The following CUX2 variants were observed in gnomAD, a reference collection of about 807,000 sequenced individuals.
The protein encoded by CUX2 is cut like homeobox 2, also known as homeobox protein cut-like 2.
In CUX2, 40 loss-of-function variants were observed where a neutral mutation model predicts 144.8. The observed-to-expected ratio is 0.28, with a 90% CI of 0.21 to 0.36. CUX2 has a LOEUF of 0.36. CUX2 is among the 10% of genes least tolerant of loss of function. CUX2 has a pLI of 1.00. For missense variants in CUX2, 1,615 were observed against 1,994.0 expected (o/e 0.81, Z 3.62); for synonymous variants, 827 against 875.6 (o/e 0.94, Z 0.98).
intron 1 of CUX2, among the ~76,000 whole-genome samples, chr12:111,060,983 G>A (rs1322693727): frequency 6.6e-6 from 1 of 152,216 alleles, no homozygotes. Context: ...GAGGCCTTCA[G>A]AAAGGAAGCA....
chr12:111,215,265 G>A (rs944237319), intron 2 of CUX2, among the ~76,000 whole-genome samples: 1 of 152,138 alleles, frequency 6.6e-6, no homozygotes, highest in Non-Finnish European at 1.5e-5. Context: ...AGATTGGTGG[G>A]GGGTCCTGTT....
chr12:111,045,971 C>T (rs1397418857), intron 1 of CUX2, among the ~76,000 whole-genome samples: 1 of 152,222 alleles, frequency 6.6e-6, no homozygotes, highest in Non-Finnish European at 1.5e-5. Flanking sequence ...CCTCACTGCT[C>T]AGCTCAGTGG....
At chr12:111,105,958 G>A (rs1245940795) in intron 1 of CUX2, among the ~76,000 whole-genome samples, 2 of 150,300 alleles carry the variant, frequency 1.3e-5, no homozygotes, top group East Asian at 3.9e-4. Flanking sequence ...TTGACCTCCT[G>A]GGCTCAAGTG....
rs1038823583 is a variant in CUX2, at chr12:111,037,230, G to A, written c.63+2990G>A. Among the ~76,000 whole-genome samples the A allele has an allele frequency of 3.9e-5, 6 of 152,166 alleles. No homozygotes were observed. The highest frequency in any genetic ancestry group is 1.2e-4 in the African/African-American group (5 of 41,454). The stretch of plus-strand genomic sequence containing the variant: ...CGTGGCTTTCATTCCTGGCTGTTCA[G>A]GTTGAATGGTTTCTCGCAGCGTGGT... On this transcript the variant is annotated intron_variant, in intron 1 of 21. Transcript: ENST00000261726. The surrounding 1 kb of genome is among the most constrained non-coding windows in gnomAD (Gnocchi z 5.4).
At chr12:111,271,249 A>G (rs73197987) in intron 4 of CUX2, among the ~76,000 whole-genome samples, 5 of 152,188 alleles carry the variant, frequency 3.3e-5, no homozygotes, top group Non-Finnish European at 5.9e-5. Context: ...TAAAAGTAGC[A>G]TATGCATGCT....
At chr12:111,175,786 C>T (rs11065825) in intron 1 of CUX2, among the ~76,000 whole-genome samples, 1,910 of 151,756 alleles carry the variant, frequency 0.013, 52 homozygotes, top group African/African-American at 0.044. Context: ...TCTTTTTCAC[C>T]GCCGGTTGCA....
At position 111,059,803 on chromosome 12, in the gene CUX2, G is replaced by A. The variant is rs1363689752; in HGVS notation, c.63+25563G>A. ...CTGGGATGCCGAGGGTGGGGGCAGT[G>A]AGGGAGGTGTTGGGGAGAGCATGGG... is the stretch of plus-strand genomic sequence containing the variant. On this transcript the variant is annotated intron_variant, in intron 1 of 21. Coordinates refer to ENST00000261726, the MANE Select transcript of CUX2 (RefSeq NM_015267.4). The surrounding 1 kb of genome is among the most constrained non-coding windows in gnomAD (Gnocchi z 5.3). Among the ~76,000 whole-genome samples the A allele has an allele frequency of 2.0e-5, 3 of 152,254 alleles. No individual in the cohort carries two copies. The East Asian group carries it at 5.8e-4, about 29-fold the overall frequency.
At position 111,214,189 on chromosome 12, in the gene CUX2, T is replaced by TA. The variant is rs1555204353; in HGVS notation, c.64-10dup. On this transcript the variant is annotated splice_polypyrimidine_tract_variant and intron_variant, in intron 1 of 21. Coordinates refer to ENST00000261726, the MANE Select transcript of CUX2 (RefSeq NM_015267.4). ...TCTCTCTCTCTTTTTTTTTTTTTTT[T>TA]ATTGTTCCAGAAGGAGCTTAATTCC... 0.015 allele frequency: 20,411 copies of TA among 1,396,494 alleles called. 86 individuals are homozygous for TA. The highest frequency in any genetic ancestry group is 0.017 in the Non-Finnish European group (17,375 of 1,035,248). The allele number at this position is 1,396,494 out of a possible 1,614,324, so 86.5% of individuals were successfully genotyped here.
intron 16 of CUX2, among the ~76,000 whole-genome samples, chr12:111,315,546 C>T (rs1258628498): frequency 1.3e-5 from 2 of 152,110 alleles, no homozygotes; most frequent in Admixed American, 6.6e-5. Flanking sequence ...TGGCAAAACC[C>T]CATCTCTACT....
intron 1 of CUX2, among the ~76,000 whole-genome samples, chr12:111,098,304 G>A (rs1378959795): frequency 1.3e-5 from 2 of 152,052 alleles, no homozygotes; most frequent in Non-Finnish European, 2.9e-5. Context: ...GGAGGCTGAG[G>A]CAGGAGAATC....
At chr12:111,269,579 G>A (rs1291638673) in intron 4 of CUX2, among the ~76,000 whole-genome samples, 1 of 152,162 alleles carries the variant, frequency 6.6e-6, no homozygotes, top group Non-Finnish European at 1.5e-5. Context: ...ACACCAGCAT[G>A]TCTAGTGCTT....
At chr12:111,216,768 C>T (rs1349204229) in intron 2 of CUX2, among the ~76,000 whole-genome samples, 2 of 147,026 alleles carry the variant, frequency 1.4e-5, no homozygotes, top group African/African-American at 5.0e-5. Flanking sequence ...CCTGAAGGTC[C>T]CCAACATACA....
chr12:111,066,585 A>G (rs1181117948), intron 1 of CUX2, among the ~76,000 whole-genome samples: 5 of 152,088 alleles, frequency 3.3e-5, no homozygotes, highest in Non-Finnish European at 5.9e-5. Context: ...TTAAGCACCC[A>G]TTGGGTGAGG....
intron 1 of CUX2, among the ~76,000 whole-genome samples, chr12:111,142,750 C>T (rs575844013): frequency 1.4e-4 from 21 of 152,200 alleles, no homozygotes; most frequent in Non-Finnish European, 2.4e-4. Context: ...TGGGATGAAT[C>T]GAGGAACCCT....
rs1345266126 is a variant in CUX2 at position 111,039,109 on chromosome 12, C to G, written c.63+4869C>G. ...TGGTCCTGGATGATGGTAGACAAGG[C>G]TGCCCAGAAACTGTGGTTTTCTGTG... On this transcript the variant is annotated intron_variant, in intron 1 of 21. Coordinates refer to ENST00000261726, the MANE Select transcript of CUX2 (RefSeq NM_015267.4). The surrounding 1 kb of genome is among the most constrained non-coding windows in gnomAD (Gnocchi z 4.2). Among the ~76,000 whole-genome samples, 3 of 152,150 alleles carry G rather than the reference C, an allele frequency of 2.0e-5. No homozygotes were observed.
chr12:111,322,636 T>G lies in CUX2; in HGVS notation c.2926+56T>G. Reference sequence around the variant, plus strand: ...GCTGGCAAACTTCCCACCTGCGCAGTGGCATGTCCGCCTGGCTTTACTGCC... The same window carrying G: ...GCTGGCAAACTTCCCACCTGCGCAGGGGCATGTCCGCCTGGCTTTACTGCC... On this transcript the variant is annotated intron_variant, in intron 18 of 21. Coordinates refer to ENST00000261726, the MANE Select transcript of CUX2 (RefSeq NM_015267.4). The surrounding 1 kb of genome is among the most constrained non-coding windows in gnomAD (Gnocchi z 4.2). The G allele has an allele frequency of 1.3e-6, 2 of 1,568,400 alleles. No individual in the cohort carries two copies. Among genetic ancestry groups the G allele is most frequent in the Non-Finnish European group, 8.6e-7 (1 of 1,162,156 alleles).
chr12:111,257,186 A>ACCTCCTCCCTCTTCCCT (rs1883858379), intron 3 of CUX2, among the ~76,000 whole-genome samples: 1 of 148,760 alleles, frequency 6.7e-6, no homozygotes, highest in African/African-American at 2.5e-5. Context: ...GATGGTCTCC[A>ACCTCCTCCCTCTTCCCT]CCTCCTCCCT....
rs181026219 is a variant in CUX2, at chr12:111,344,629, G to A, written c.3659+2576G>A. 2.0e-3 allele frequency among the ~76,000 whole-genome samples: 312 copies of A among 152,310 alleles called. 2 individuals carry two copies. Among genetic ancestry groups the A allele is most frequent in the South Asian group, 4.8e-3 (23 of 4,826 alleles). On this transcript the variant is annotated intron_variant, in intron 21 of 21. Transcript: ENST00000261726. ...CACTGGAGGGAGCTGAGGGAGGTGG[G>A]GGAGAGCTCTGGAAGGTGGGCAAGG...
At position 111,320,412 on chromosome 12, in the gene CUX2, C is replaced by T; in HGVS notation, c.2403C>T (p.Ala801=). The part of the protein sequence containing the change: ...SDRGLLSRPY[A]SVSPSLSSSS... ...GCGGCCTGCTCAGCCGCCCCTACGC[C>T]TCCGTGTCGCCCTCGCTGTCCTCCT... The change falls in exon 17 of 22, where the codon GCC becomes GCT. Residue 801 remains alanine, a synonymous_variant. Transcript: ENST00000261726. This position sits in a 1 kb window ranked among gnomAD's most constrained non-coding sequence, Gnocchi z 8.1. The T allele has an allele frequency of 6.3e-7, 1 of 1,597,806 alleles. No homozygotes were observed. The highest frequency in any genetic ancestry group is 8.5e-7 in the Non-Finnish European group (1 of 1,179,028).
Sources: allele counts gnomAD v4.1 joint callset (sites outside exome capture counted in the v4.1 genomes callset), GRCh38; gene constraint gnomAD v4.1.1; non-coding constraint Gnocchi (gnomAD v3.1); transcripts MANE v1.5; gene names NCBI Gene and HGNC (gene_info 2026-07-23, HGNC 2026-07-21).